ANO10: variants seen among roughly 807,000 people sequenced by gnomAD.
The protein encoded by ANO10 is anoctamin-10.
Under a neutral mutation model 74.7 loss-of-function variants are expected in ANO10, and 77 were observed. That is an observed-to-expected ratio of 1.03 (90% CI 0.86 to 1.25). The LOEUF (loss-of-function observed/expected upper bound fraction) is 1.25, where lower values mean the gene tolerates loss of function less well. ANO10 is among the 50% of genes most tolerant of loss of function. The pLI, the probability that ANO10 is intolerant of heterozygous loss-of-function variation, is 0.00. For missense variants in ANO10, 721 were observed against 778.1 expected (o/e 0.93, Z 0.87); for synonymous variants, 279 against 284.9 (o/e 0.98, Z 0.21).
At chr3:43,662,478 C>T (rs2083937489) in intron 1 of ANO10, among the ~76,000 whole-genome samples, 1 of 151,918 alleles carries the variant, frequency 6.6e-6, no homozygotes, top group South Asian at 2.1e-4. Flanking sequence ...AAATCAACAC[C>T]CTAACATCAC....
At chr3:43,517,597 T>C (rs2077763921) in intron 11 of ANO10, among the ~76,000 whole-genome samples, 1 of 152,104 alleles carries the variant, frequency 6.6e-6, no homozygotes, top group Non-Finnish European at 1.5e-5. Context: ...ATTGGTCATG[T>C]TAGGATATAG....
In ANO10 at chr3:43,681,867, G is replaced by T. The variant is rs374882067; in HGVS notation, c.-12+9650C>A. Among the ~76,000 whole-genome samples, 18 of 151,922 alleles carry T rather than the reference G, an allele frequency of 1.2e-4. 1 individual carries two copies. The East Asian group carries it at 2.3e-3, about 20-fold the overall frequency. On this transcript the variant is annotated intron_variant, in intron 1 of 3. Coordinates refer to the ANO10 transcript ENST00000413397. ...CGAAATGAAGGCAGAAATAAAGATG[G>T]TCTTTGAAACCAATGAGAACAAAGA...
intron 11 of ANO10, among the ~76,000 whole-genome samples, chr3:43,540,345 C>T (rs1291384703): frequency 2.6e-5 from 4 of 152,142 alleles, no homozygotes; most frequent in Non-Finnish European, 5.9e-5. Context: ...GTCTAAGATG[C>T]CCAGGTTTGT....
chr3:43,538,448 T>G (rs188003219), intron 11 of ANO10, among the ~76,000 whole-genome samples: 1 of 152,186 alleles, frequency 6.6e-6, no homozygotes, highest in East Asian at 1.9e-4. Context: ...TCAGAAAAAA[T>G]TTTTAAAACG....
intron 1 of ANO10, among the ~76,000 whole-genome samples, chr3:43,679,412 G>A (rs1053771082): frequency 1.3e-5 from 2 of 152,152 alleles, no homozygotes; most frequent in East Asian, 1.9e-4. Context: ...TGCCATTGCC[G>A]AGGCTTGAGT....
At chr3:43,621,217 C>A (rs1443731689) in intron 1 of ANO10, among the ~76,000 whole-genome samples, 3 of 152,288 alleles carry the variant, frequency 2.0e-5, no homozygotes, top group Admixed American at 6.5e-5. Context: ...AATGCTGGTG[C>A]TGTGAAGGCA....
chr3:43,492,590 G>A (rs943148626), intron 11 of ANO10, among the ~76,000 whole-genome samples: 2 of 151,990 alleles, frequency 1.3e-5, no homozygotes, highest in African/African-American at 2.4e-5. Context: ...AAATTTACAA[G>A]AAAAAGGCAA....
At chr3:43,670,466 A>G (rs1224605827) in intron 1 of ANO10, among the ~76,000 whole-genome samples, 2 of 152,196 alleles carry the variant, frequency 1.3e-5, no homozygotes, top group African/African-American at 2.4e-5. Context: ...CATAATGTTT[A>G]TATGACTAGG....
chr3:43,665,220 T>C (rs2083975405), intron 1 of ANO10, among the ~76,000 whole-genome samples: 1 of 152,200 alleles, frequency 6.6e-6, no homozygotes, highest in African/African-American at 2.4e-5. Flanking sequence ...TTCATGTCTT[T>C]GCAGGGACAT....
intron 11 of ANO10, among the ~76,000 whole-genome samples, chr3:43,451,336 C>T (rs944698121): frequency 2.0e-5 from 3 of 152,186 alleles, no homozygotes; most frequent in Admixed American, 6.5e-5. Flanking sequence ...ACTAGTCTAT[C>T]GGGATGGAAA....
chr3:43,371,024 G>A (rs557804897), intron 12 of ANO10, among the ~76,000 whole-genome samples: 216 of 152,210 alleles, frequency 1.4e-3, no homozygotes, highest in African/African-American at 3.6e-3. Context: ...CAGCCTTGTA[G>A]CAGAGACTCC....
rs185104449 is a variant in ANO10, at chr3:43,502,875, A to T, written c.1797+46845T>A. 3.7e-3 allele frequency among the ~76,000 whole-genome samples: 571 copies of T among 152,348 alleles called. 13 individuals carry two copies. Among genetic ancestry groups the T allele is most frequent in the Middle Eastern group, 3.4e-3 (1 of 294 alleles). On this transcript the variant is annotated intron_variant, in intron 11 of 12. Coordinates refer to ENST00000292246, the MANE Select transcript of ANO10 (RefSeq NM_018075.5). ...ACTCCACTTATATCAGATACCTAGT[A>T]TAGTCAAAATCATAAAGACAGAAAG... is the stretch of plus-strand genomic sequence containing the variant.
chr3:43,578,607 G>A (rs916180425), intron 5 of ANO10, among the ~76,000 whole-genome samples: 7 of 152,048 alleles, frequency 4.6e-5, no homozygotes, highest in Middle Eastern at 3.4e-3. Flanking sequence ...AAAATTAGCC[G>A]GGCATGGTGG....
At chr3:43,660,291 A>T (rs146053929) in intron 1 of ANO10, among the ~76,000 whole-genome samples, 211 of 152,278 alleles carry the variant, frequency 1.4e-3, no homozygotes, top group African/African-American at 4.9e-3. Context: ...TGGTAATAAC[A>T]AACTTCTCCA....
intron 11 of ANO10, among the ~76,000 whole-genome samples, chr3:43,520,463 C>T (rs2077902104): frequency 6.6e-6 from 1 of 152,078 alleles, no homozygotes; most frequent in Admixed American, 6.6e-5. Context: ...GGAGTCCAAA[C>T]TTCATCCTTT....
Position 43,620,503 on chromosome 3 carries a change from C to G in ANO10, c.-12+1406G>C, listed in dbSNP as rs13081239. ...GTCTACAATGAAAAAAGTTGGCCAGCACAGTGGCTCACGTCTGTAATCCCA... is the reference window on the plus strand; with the variant it reads ...GTCTACAATGAAAAAAGTTGGCCAGGACAGTGGCTCACGTCTGTAATCCCA... On this transcript the variant is annotated intron_variant, in intron 1 of 12. Coordinates refer to ENST00000292246, the MANE Select transcript of ANO10 (RefSeq NM_018075.5). Among the ~76,000 whole-genome samples the G allele has an allele frequency of 3.9e-3, 592 of 152,290 alleles. 7 individuals carry two copies. The highest frequency in any genetic ancestry group is 0.01 in the Middle Eastern group (3 of 294).
chr3:43,461,187 TATC>T (rs2075362580), intron 11 of ANO10, among the ~76,000 whole-genome samples: 1 of 152,062 alleles, frequency 6.6e-6, no homozygotes, highest in Non-Finnish European at 1.5e-5. Context: ...AAAAAGGAGA[TATC>T]ATTAAATGTT....
rs563556915 is a variant in ANO10 at position 43,612,161 on chromosome 3, TATATATATATATATATATATATA to T, written c.-11-6321_-11-6299del. ...TATTTTATATATATATATATATATA[TATATATATATATATATATATATA>T]TGCCCAAGAAACAATCTCAAGACTT... On this transcript the variant is annotated intron_variant, in intron 1 of 12. Transcript: ENST00000292246. Among the ~76,000 whole-genome samples, 662 of 131,034 alleles carry T rather than the reference TATATATATATATATATATATATA, an allele frequency of 5.1e-3. 5 individuals carry two copies. Among genetic ancestry groups the T allele is most frequent in the African/African-American group, 0.019 (636 of 33,576 alleles). 86.0% of individuals were successfully genotyped at this position (131,034 alleles called of 152,430 possible).
At chr3:43,566,114 T>G (rs962762869) in intron 7 of ANO10, among the ~76,000 whole-genome samples, 6 of 152,144 alleles carry the variant, frequency 3.9e-5, no homozygotes, top group Admixed American at 1.3e-4. Flanking sequence ...ACCAGAATAC[T>G]GCGCTTTTCC....
Sources: gnomAD v4.1 joint callset for allele counts (sites outside exome capture counted in the v4.1 genomes callset) on GRCh38, gnomAD v4.1.1 for gene constraint, MANE v1.5 for transcripts, NCBI Gene and HGNC (gene_info 2026-07-23, HGNC 2026-07-21) for gene names.